Variants in HSDL1 observed in about 807,000 individuals in gnomAD.
The protein encoded by HSDL1 is hydroxysteroid dehydrogenase like 1.
In HSDL1, 29 loss-of-function variants were observed where a neutral mutation model predicts 31.5. The observed-to-expected ratio is 0.92, with a 90% CI of 0.69 to 1.26. The LOEUF is 1.26. Among genes scored for constraint, HSDL1 ranks in the 50% most tolerant of loss-of-function variants. The pLI, the probability that HSDL1 is intolerant of heterozygous loss-of-function variation, is 0.00. For missense variants in HSDL1, 503 were observed against 416.6 expected, an observed-to-expected ratio of 1.21 and a Z score of -1.81; for synonymous variants, 222 against 155.2, an observed-to-expected ratio of 1.43 and a Z score of -3.20.
At chr16:84,124,930 A>AAT (rs74841802) in intron 5 of HSDL1, 72 of 444,000 alleles carry the variant, frequency 1.6e-4, no homozygotes, top group Middle Eastern at 6.3e-4. Flanking sequence ...CCCACCAATC[A>AAT]CAACAAATAC....
At chr16:84,137,286 C>T (rs927204049) in intron 1 of HSDL1, among the ~76,000 whole-genome samples, 5 of 152,192 alleles carry the variant, frequency 3.3e-5, no homozygotes, top group South Asian at 2.1e-4. Context: ...GGCTCGGCAC[C>T]GTCAAGGGTC....
intron 1 of HSDL1, among the ~76,000 whole-genome samples, chr16:84,140,072 C>T (rs2151191943): frequency 6.6e-6 from 1 of 152,244 alleles, no homozygotes; most frequent in East Asian, 1.9e-4. Context: ...TGTCCCTTCC[C>T]TTCCCAGGCC....
intron 5 of HSDL1, among the ~76,000 whole-genome samples, chr16:84,126,736 CCACA>C (rs34136601): frequency 6.6e-6 from 1 of 151,118 alleles, no homozygotes; most frequent in African/African-American, 2.4e-5. Context: ...ACACCCACAC[CCACA>C]CACACACACA....
intron 1 of HSDL1, chr16:84,144,586 G>A (rs531470557): frequency 2.8e-4 from 43 of 152,334 alleles, no homozygotes; most frequent in African/African-American, 9.6e-4. Flanking sequence ...GAAAAACACG[G>A]CAACAACAAC....
chr16:84,126,170 C>T (rs924184556), intron 5 of HSDL1, among the ~76,000 whole-genome samples: 5 of 150,810 alleles, frequency 3.3e-5, no homozygotes, highest in African/African-American at 7.3e-5. Context: ...CAGACGCATA[C>T]GTGGTTAGTA....
At chr16:84,144,884 G>C (rs1449746304) in intron 1 of HSDL1, among the ~76,000 whole-genome samples, 196 bp downstream of exon 1, 1 of 151,778 alleles carries the variant, frequency 6.6e-6, no homozygotes, top group Non-Finnish European at 1.5e-5. Context: ...ACGGGACGGA[G>C]GGACGAAGAT....
chr16:84,141,489 C>T (rs963385417), intron 1 of HSDL1, among the ~76,000 whole-genome samples: 6 of 152,254 alleles, frequency 3.9e-5, no homozygotes, highest in Admixed American at 6.5e-5. Flanking sequence ...CTGCAGGGAG[C>T]GCTTGTCCCC....
At chr16:84,124,880 CCAAT>C (rs1220728180) in intron 5 of HSDL1, 152 bp from the exon 6 acceptor site, 38 of 551,362 alleles carry the variant, frequency 6.9e-5, no homozygotes, top group South Asian at 6.8e-4. Context: ...CAAATACCCA[CCAAT>C]CAATCACAAC....
chr16:84,127,784 T>A (rs2086623784), intron 5 of HSDL1, among the ~76,000 whole-genome samples: 1 of 148,046 alleles, frequency 6.8e-6, no homozygotes, highest in African/African-American at 2.5e-5. Flanking sequence ...AGTGGTGTGA[T>A]CTCGGCTCAC....
At chr16:84,128,352 T>C (rs1232490937) in intron 5 of HSDL1, among the ~76,000 whole-genome samples, 4 of 151,952 alleles carry the variant, frequency 2.6e-5, no homozygotes, top group Non-Finnish European at 4.4e-5. Context: ...GGAACTGAAA[T>C]ATATTGTAAT....
chr16:84,132,543 C>T (rs772735272), intron 2 of HSDL1, among the ~76,000 whole-genome samples: 2 of 152,142 alleles, frequency 1.3e-5, no homozygotes, highest in South Asian at 4.1e-4. Context: ...GTTGAGTGTC[C>T]ACATAGCAAG....
At chr16:84,143,649 AG>A (rs1391621094) in intron 1 of HSDL1, among the ~76,000 whole-genome samples, 4 of 152,152 alleles carry the variant, frequency 2.6e-5, no homozygotes, top group Non-Finnish European at 4.4e-5. Flanking sequence ...TTTAAAAAAA[AG>A]TAGCACCAAT....
chr16:84,131,208 G>C lies in HSDL1; in HGVS notation c.114C>G (p.Ile38Met). 4.3e-6 allele frequency: 7 copies of C among 1,614,114 alleles called. No homozygotes were observed. Among genetic ancestry groups the C allele is most frequent in the Middle Eastern group, 1.6e-4 (1 of 6,062 alleles). Residue 38 changes from isoleucine (I) to methionine (M), a missense_variant, in exon 3 of 6, where the codon ATC (isoleucine) becomes ATG (methionine). Transcript: ENST00000219439. ...VGAWYTARKS[I>M]TVICDFYSLI... Reference sequence around the variant, plus strand: ...GGCTGTAAAAGTCACAGATGACAGTGATGCTTTTTCTGGCCGTATACCAGG... The same window carrying C: ...GGCTGTAAAAGTCACAGATGACAGTCATGCTTTTTCTGGCCGTATACCAGG...
At chr16:84,128,927 C>G (rs934020326) in intron 5 of HSDL1, among the ~76,000 whole-genome samples, 2 of 151,916 alleles carry the variant, frequency 1.3e-5, no homozygotes, top group Non-Finnish European at 2.9e-5. Context: ...AGGTTGGTCT[C>G]GAACTCCTGA....
chr16:84,124,733 A>C lies in HSDL1; in HGVS notation c.895-5T>G. 6.2e-7 allele frequency: 1 copy of C among 1,604,832 alleles called. No homozygotes were observed. The highest frequency in any genetic ancestry group is 8.5e-7 in the Non-Finnish European group (1 of 1,171,696). On this transcript the variant is annotated splice_polypyrimidine_tract_variant and splice_region_variant and intron_variant, in intron 5 of 5. Coordinates refer to ENST00000219439, the MANE Select transcript of HSDL1 (RefSeq NM_031463.5). ...CATATACTGTGCAAAAAGAAACTAA[A>C]AATGAAAGAGAAAAAGGTTGTAAGG...
At chr16:84,136,980 G>C (rs759638559) in intron 1 of HSDL1, among the ~76,000 whole-genome samples, 1 of 152,116 alleles carries the variant, frequency 6.6e-6, no homozygotes, top group Non-Finnish European at 1.5e-5. Flanking sequence ...ACAACACAGC[G>C]AAGAGGCCTA....
intron 5 of HSDL1, among the ~76,000 whole-genome samples, chr16:84,127,788 G>A (rs1490742034): frequency 4.2e-5 from 6 of 143,842 alleles, no homozygotes; most frequent in South Asian, 4.4e-4. Flanking sequence ...GTGTGATCTC[G>A]GCTCACTGCA....
At chr16:84,140,902 G>C (rs372924090) in intron 1 of HSDL1, among the ~76,000 whole-genome samples, 113 of 152,124 alleles carry the variant, frequency 7.4e-4, no homozygotes, top group African/African-American at 2.6e-3. Flanking sequence ...AGGAGATCGA[G>C]ACCACGGTGA....
Position 84,142,361 on chromosome 16 carries a change from T to G in HSDL1, c.-69+2719A>C, listed in dbSNP as rs528568275. Among the ~76,000 whole-genome samples the G allele has an allele frequency of 3.9e-5, 6 of 152,086 alleles. No homozygotes were observed. In the South Asian group the frequency reaches 1.2e-3, roughly 31 times the overall value. On this transcript the variant is annotated intron_variant, in intron 1 of 5. Coordinates refer to ENST00000219439, the MANE Select transcript of HSDL1 (RefSeq NM_031463.5). Reference sequence around the variant, plus strand: ...TTATTTTCTAGAAATTTTACATTTTTGCTTTTTCAGTTTAAGTCTTTAATC... The same window carrying G: ...TTATTTTCTAGAAATTTTACATTTTGGCTTTTTCAGTTTAAGTCTTTAATC...
Sources: gnomAD v4.1 joint callset for allele counts (sites outside exome capture counted in the v4.1 genomes callset) on GRCh38, gnomAD v4.1.1 for gene constraint, MANE v1.5 for transcripts, NCBI Gene and HGNC (gene_info 2026-07-23, HGNC 2026-07-21) for gene names.